Variants in ERICH3 observed in about 807,000 individuals in gnomAD.
ERICH3 encodes the protein glutamate-rich protein 3.
ERICH3 carries 126 observed loss-of-function variants against 131.1 expected under a neutral mutation model. That is an observed-to-expected ratio of 0.96 (90% CI 0.83 to 1.11). ERICH3 has a LOEUF of 1.11. Ranked by LOEUF, ERICH3 falls within the 50% of genes most tolerant of loss-of-function variation. The pLI is 0.00. For synonymous variants in ERICH3, 695 were observed against 644.6 expected (o/e 1.08, Z -1.18); for missense variants, 2,050 against 1,810.7 (o/e 1.13, Z -2.40).
At chr1:74,653,372 C>T (rs79888523) in intron 1 of ERICH3, among the ~76,000 whole-genome samples, 3,065 of 150,752 alleles carry the variant, frequency 0.02, 106 homozygotes, top group African/African-American at 0.07. Flanking sequence ...TGTGTGTGCA[C>T]GTGTGTGTGT....
At chr1:74,645,348 T>A (rs1194696267) in intron 3 of ERICH3, among the ~76,000 whole-genome samples, 3 of 152,082 alleles carry the variant, frequency 2.0e-5, no homozygotes, top group Non-Finnish European at 2.9e-5. Context: ...ATAAACTAAA[T>A]GTGAGATAAA....
intron 7 of ERICH3, chr1:74,625,118 A>G (rs560256787): frequency 6.6e-6 from 1 of 152,212 alleles, no homozygotes; most frequent in East Asian, 1.9e-4. Flanking sequence ...TGACCAATGC[A>G]TGTGGTGTGT....
At chr1:74,577,818 C>A (rs750075163) in intron 12 of ERICH3, among the ~76,000 whole-genome samples, 2 of 152,158 alleles carry the variant, frequency 1.3e-5, no homozygotes, top group African/African-American at 2.4e-5. Flanking sequence ...ATTTTCCCTT[C>A]TAGGAACGTG....
intron 1 of ERICH3, among the ~76,000 whole-genome samples, chr1:74,659,231 C>T (rs1177906118): frequency 6.6e-6 from 1 of 152,094 alleles, no homozygotes; most frequent in Non-Finnish European, 1.5e-5. Flanking sequence ...TGCAAAGGTC[C>T]AGGGATAAGA....
chr1:74,592,026 T>G (rs953631734), intron 11 of ERICH3: 1 of 152,196 alleles, frequency 6.6e-6, no homozygotes, highest in Non-Finnish European at 1.5e-5. Context: ...CCTCCAGCCC[T>G]GCCGGCTCTC....
intron 6 of ERICH3, chr1:74,634,645 T>A: frequency 1.4e-6 from 1 of 714,756 alleles, no homozygotes; most frequent in African/African-American, 1.7e-5. Context: ...ATTATGGAAC[T>A]TAAAAAATAA....
At chr1:74,580,105 C>A (rs1182544681) in intron 12 of ERICH3, among the ~76,000 whole-genome samples, 1 of 151,668 alleles carries the variant, frequency 6.6e-6, no homozygotes, top group Admixed American at 6.6e-5. Flanking sequence ...CTAAAGGATA[C>A]AAAGAAGAAA....
chr1:74,601,880 T>A (rs936055399), intron 10 of ERICH3, among the ~76,000 whole-genome samples: 9 of 151,884 alleles, frequency 5.9e-5, no homozygotes, highest in African/African-American at 2.2e-4. Flanking sequence ...GTAACATGGG[T>A]AATACAACGC....
chr1:74,641,537 A>C, intron 4 of ERICH3, 78 bp from the exon 5 acceptor site: 1 of 1,419,376 alleles, frequency 7.0e-7, no homozygotes, highest in Non-Finnish European at 9.6e-7. Flanking sequence ...TGTGCGAAAT[A>C]CTATATGACT....
intron 2 of ERICH3, among the ~76,000 whole-genome samples, chr1:74,648,503 T>C (rs1206134180): frequency 6.6e-6 from 1 of 152,156 alleles, no homozygotes; most frequent in East Asian, 1.9e-4. Context: ...GCAAGCTCTC[T>C]GAGATCTGTC....
chr1:74,572,458 A>C lies in ERICH3; in HGVS notation c.3252T>G (p.Asn1084Lys). ...DSEREEVTRA[N>K]ALKDEDAFKE... ...TAAAAGCATCTTCATCCTTGAGTGC[A>C]TTTGCCCTTGTCACCTCTTCTCTCT... Residue 1084 changes from asparagine (N) to lysine (K), a missense_variant, in exon 14 of 15, where the codon AAT becomes AAG. Transcript: ENST00000326665. The C allele has an allele frequency of 6.2e-7, 1 of 1,614,034 alleles. No individual in the cohort carries two copies. The highest frequency in any genetic ancestry group is 2.2e-5 in the East Asian group (1 of 44,860).
intron 1 of ERICH3, among the ~76,000 whole-genome samples, chr1:74,653,461 AAG>A (rs142308891): frequency 1.1e-4 from 16 of 150,628 alleles, no homozygotes; most frequent in African/African-American, 3.2e-4. Flanking sequence ...AGAGAGGAGA[AAG>A]AGAGAGAGAG....
chr1:74,574,059 T>C (rs189285106), intron 13 of ERICH3, among the ~76,000 whole-genome samples: 12 of 151,582 alleles, frequency 7.9e-5, no homozygotes, highest in Admixed American at 3.3e-4. Context: ...AGTGTGAACG[T>C]GGCCCACTTC....
At chr1:74,586,543 G>GT in intron 12 of ERICH3, 1 of 955,140 alleles carries the variant, frequency 1.0e-6, no homozygotes, top group Non-Finnish European at 1.2e-6. Flanking sequence ...TGAGAAAAAA[G>GT]TTTATCAAAA....
chr1:74,663,558 C>A (rs1400956707), intron 1 of ERICH3, among the ~76,000 whole-genome samples: 3 of 150,258 alleles, frequency 2.0e-5, no homozygotes, highest in Non-Finnish European at 4.4e-5. Context: ...CAGTTATGGT[C>A]CATGAGAAAT....
At chr1:74,672,579 A>T (rs1347718887) in intron 1 of ERICH3, among the ~76,000 whole-genome samples, 1 of 152,168 alleles carries the variant, frequency 6.6e-6, no homozygotes, top group East Asian at 1.9e-4. Context: ...GATCTCAAAT[A>T]TGTTGTCCTC....
Position 74,571,381 on chromosome 1 carries a change from C to T in ERICH3, c.4329G>A (p.Gly1443=). The change falls in exon 14 of 15, where the codon GGG becomes GGA. Residue 1443 remains glycine, a synonymous_variant. Coordinates refer to ENST00000326665, the MANE Select transcript of ERICH3 (RefSeq NM_001002912.5). ...ACCCTTCCTCTTGCTCCTGTCCTAG[C>T]CCTGAGGTCTTCCGCTCCAGGGCTC... ...TPGALERKTS[G]LGQEQEEGSE... The T allele has an allele frequency of 6.2e-7, 1 of 1,614,032 alleles. No homozygotes were observed. The highest frequency in any genetic ancestry group is 8.5e-7 in the Non-Finnish European group (1 of 1,179,994).
chr1:74,620,593 A>G, intron 8 of ERICH3, 141 bp downstream of exon 8: 1 of 639,220 alleles, frequency 1.6e-6, no homozygotes, highest in Non-Finnish European at 2.5e-6. Context: ...ATCTAGATTT[A>G]CTTTTAGGCA....
intron 12 of ERICH3, chr1:74,577,519 CA>C (rs1647088363): frequency 6.6e-6 from 1 of 152,228 alleles, no homozygotes; most frequent in African/African-American, 2.4e-5. Context: ...GGTATAAAAA[CA>C]GGTCATGGGA....
Sources: gnomAD v4.1 joint callset for allele counts (sites outside exome capture counted in the v4.1 genomes callset) on GRCh38, gnomAD v4.1.1 for gene constraint, MANE v1.5 for transcripts, NCBI Gene and HGNC (gene_info 2026-07-23, HGNC 2026-07-21) for gene names.